Variants in DPH6 observed in about 807,000 individuals in gnomAD.
DPH6 encodes diphthine--ammonia ligase.
DPH6 carries 33 observed loss-of-function variants against 38.2 expected under a neutral mutation model. That is an observed-to-expected ratio of 0.86 (90% confidence interval 0.65 to 1.15). The LOEUF (loss-of-function observed/expected upper bound fraction) is 1.15. Among genes scored for constraint, DPH6 ranks in the 50% most tolerant of loss-of-function variants. The pLI is 0.00. For missense variants in DPH6, 325 were observed against 320.0 expected (o/e 1.02, Z -0.12); for synonymous variants, 108 against 103.0 (o/e 1.05, Z -0.30).
In DPH6 at chr15:35,231,524, G is replaced by T. The variant is rs532762440; in HGVS notation, n.201-10942C>A. 2.6e-5 allele frequency among the ~76,000 whole-genome samples: 4 copies of T among 152,288 alleles called. No homozygotes were observed. The East Asian group carries it at 7.7e-4, about 29-fold the overall frequency. ...TACAAAGGTGCTTTTTTTGTGTGTA[G>T]AAAGTTGTTAAATTGGTGTCCTTGT... On this transcript the variant is annotated intron_variant and non_coding_transcript_variant, in intron 3 of 3. Transcript: ENST00000560386.
At position 35,436,032 on chromosome 15, in the gene DPH6, C is replaced by T. The variant is rs114854309; in HGVS notation, c.505+14653G>A. The stretch of plus-strand genomic sequence containing the variant: ...CCAATGGCTGTAGGTGCACATATGG[C>T]CATAGCTGCTGCCCTGGCCCCAGGG... On this transcript the variant is annotated intron_variant, in intron 5 of 8. Transcript: ENST00000256538. Among the ~76,000 whole-genome samples, 1,169 of 152,066 alleles carry T rather than the reference C, an allele frequency of 7.7e-3. 14 individuals carry two copies. Among genetic ancestry groups the T allele is most frequent in the African/African-American group, 0.026 (1,097 of 41,486 alleles).
chr15:35,269,790 C>CTTTTTT (rs1198000526), intron 3 of DPH6, among the ~76,000 whole-genome samples: 1 of 108,548 alleles, frequency 9.2e-6, no homozygotes, highest in African/African-American at 3.5e-5. Flanking sequence ...GGGTGTGTTT[C>CTTTTTT]TTTTTTTTTT....
intron 6 of DPH6, among the ~76,000 whole-genome samples, chr15:35,394,202 T>C (rs2053097966): frequency 1.3e-5 from 2 of 152,314 alleles, no homozygotes; most frequent in South Asian, 4.1e-4. Context: ...ATCACCTTTA[T>C]GCTATTCTGC....
downstream of DPH6, among the ~76,000 whole-genome samples, chr15:35,367,963 A>G (rs2052675111): frequency 6.6e-6 from 1 of 151,908 alleles, no homozygotes; most frequent in Non-Finnish European, 1.5e-5. Flanking sequence ...AATAACAACC[A>G]ATTAAATTAA....
At chr15:35,327,149 T>G (rs543076224), downstream of DPH6, among the ~76,000 whole-genome samples, 1 of 149,212 alleles carries the variant, frequency 6.7e-6, no homozygotes, top group Non-Finnish European at 1.5e-5. Flanking sequence ...CATTCAAATC[T>G]TGTATTCTGC....
At chr15:35,180,439 ACACACT>A in the DPH6 span, among the ~76,000 whole-genome samples, 1 of 120,624 alleles carries the variant, frequency 8.3e-6, no homozygotes, top group African/African-American at 3.0e-5. Context: ...ACACACACAC[ACACACT>A]TGCCCAGTGG....
At chr15:35,201,586 G>A in the DPH6 span, among the ~76,000 whole-genome samples, 1 of 151,650 alleles carries the variant, frequency 6.6e-6, no homozygotes, top group Non-Finnish European at 1.5e-5. Context: ...CCATTTAGAG[G>A]CATAATTCTT....
intron 3 of DPH6, among the ~76,000 whole-genome samples, chr15:35,252,384 T>C (rs2051680879): frequency 6.6e-6 from 1 of 152,188 alleles, no homozygotes; most frequent in Non-Finnish European, 1.5e-5. Flanking sequence ...TTCAAATTAG[T>C]TTTGGAAATC....
At chr15:35,449,241 T>C (rs1286535600) in intron 5 of DPH6, among the ~76,000 whole-genome samples, 2 of 151,950 alleles carry the variant, frequency 1.3e-5, no homozygotes, top group African/African-American at 4.8e-5. Context: ...TAAAATCAGA[T>C]CTATATTTTT....
chr15:35,310,373 T>A (rs531082528), intron 3 of DPH6, among the ~76,000 whole-genome samples: 2 of 152,158 alleles, frequency 1.3e-5, no homozygotes, highest in Admixed American at 1.3e-4. Context: ...TGTTCTAGGG[T>A]AGGCAGTCCA....
At chr15:35,391,070 C>G (rs904767768) in intron 6 of DPH6, among the ~76,000 whole-genome samples, 1 of 152,162 alleles carries the variant, frequency 6.6e-6, no homozygotes, top group African/African-American at 2.4e-5. Flanking sequence ...AGTCAGGACC[C>G]TCAGCTGCAG....
chr15:35,225,063 T>C (rs957392372), intron 3 of DPH6, among the ~76,000 whole-genome samples: 3 of 152,238 alleles, frequency 2.0e-5, no homozygotes, highest in Non-Finnish European at 2.9e-5. Context: ...CAGCCATATG[T>C]CTCCTTAGTT....
chr15:35,371,534 AT>A lies in DPH6; in HGVS notation c.*615del, dbSNP rs2052713450. The A allele has an allele frequency of 1.0e-6, 1 of 958,190 alleles. No individual in the cohort carries two copies. 59.4% of individuals were successfully genotyped at this position (958,190 alleles called of 1,614,324 possible). Reference sequence around the variant, plus strand: ...AAAACTGTTCTAAAACATAAAGTCTATTTTTTGTAAAAGTTTTCTAAGGTCA... The same window carrying A: ...AAAACTGTTCTAAAACATAAAGTCTATTTTTGTAAAAGTTTTCTAAGGTCA... On this transcript the variant is annotated 3_prime_UTR_variant, in exon 9 of 9. Transcript: ENST00000256538.
intron 3 of DPH6, among the ~76,000 whole-genome samples, chr15:35,331,635 TGAG>T (rs2052327716): frequency 6.6e-6 from 1 of 151,912 alleles, no homozygotes; most frequent in South Asian, 2.1e-4. Flanking sequence ...GAAAGCAGAG[TGAG>T]GAGAATGAGA....
intron 3 of DPH6, among the ~76,000 whole-genome samples, chr15:35,294,432 T>C (rs1453638549): frequency 6.6e-6 from 1 of 152,216 alleles, no homozygotes; most frequent in African/African-American, 2.4e-5. Context: ...TATTGTCCTT[T>C]CAAGATCAGT....
At chr15:35,339,751 G>GT (rs982503458) in intron 3 of DPH6, among the ~76,000 whole-genome samples, 1 of 152,128 alleles carries the variant, frequency 6.6e-6, no homozygotes, top group Non-Finnish European at 1.5e-5. Flanking sequence ...TGGAGAGACT[G>GT]TTTTTTATGA....
intron 6 of DPH6, among the ~76,000 whole-genome samples, chr15:35,385,624 G>A (rs1461583603): frequency 6.6e-6 from 1 of 152,002 alleles, no homozygotes; most frequent in East Asian, 2.0e-4. Context: ...GGGGGTCAGG[G>A]GCTAGGGGAG....
the DPH6 span, among the ~76,000 whole-genome samples, chr15:35,174,574 A>C: frequency 1.3e-5 from 2 of 152,208 alleles, no homozygotes. Context: ...TATAGGCTTG[A>C]GGTTACTTTG....
chr15:35,194,954 T>C, the DPH6 span, among the ~76,000 whole-genome samples: 1 of 152,266 alleles, frequency 6.6e-6, no homozygotes, highest in Admixed American at 6.5e-5. Context: ...CTATTTTGAA[T>C]TGTACAATTA....
Sources: gnomAD v4.1 joint callset for allele counts (sites outside exome capture counted in the v4.1 genomes callset) on GRCh38, gnomAD v4.1.1 for gene constraint, MANE v1.5 for transcripts, NCBI Gene and HGNC (gene_info 2026-07-23, HGNC 2026-07-21) for gene names.